MYO6: variants seen among roughly 807,000 people sequenced by gnomAD.
The protein encoded by MYO6 is myosin VI, also known as unconventional myosin-VI.
A neutral mutation model predicts 178.7 loss-of-function variants in MYO6; 74 were observed. The observed-to-expected ratio is 0.41, with a 90% CI of 0.34 to 0.50. The LOEUF (loss-of-function observed/expected upper bound fraction) is 0.50, where lower values mean the gene tolerates loss of function less well. Among genes scored for constraint, MYO6 ranks in the 20% least tolerant of loss-of-function variants. MYO6 has a pLI of 0.09. For missense variants in MYO6, 1,330 were observed against 1,547.4 expected, an observed-to-expected ratio of 0.86 and a Z score of 2.36; for synonymous variants, 477 against 504.6, an observed-to-expected ratio of 0.95 and a Z score of 0.73.
Position 75,892,477 on chromosome 6 carries a change from A to T in MYO6, c.2947-53A>T, listed in dbSNP as rs2149373644. The T allele has an allele frequency of 1.3e-5, 21 of 1,611,708 alleles. No individual in the cohort carries two copies. In the South Asian group the frequency reaches 2.3e-4, roughly 18 times the overall value. Reference sequence around the variant, plus strand: ...TTTATTTTAAGTAATAAGGGGAGTGATCAAGTAAACAAGTGAAGAACTCTT... The same window carrying T: ...TTTATTTTAAGTAATAAGGGGAGTGTTCAAGTAAACAAGTGAAGAACTCTT... On this transcript the variant is annotated intron_variant, in intron 27 of 34. Coordinates refer to ENST00000369977, the MANE Select transcript of MYO6 (RefSeq NM_004999.4).
intron 2 of MYO6, among the ~76,000 whole-genome samples, chr6:75,820,183 G>C (rs1195694499): frequency 6.6e-6 from 1 of 152,164 alleles, no homozygotes; most frequent in Admixed American, 6.6e-5. Context: ...TCTTTTCCCT[G>C]TCTGCTTTGC....
intron 23 of MYO6, among the ~76,000 whole-genome samples, chr6:75,885,355 A>G (rs1778345941): frequency 6.6e-6 from 1 of 152,150 alleles, no homozygotes; most frequent in African/African-American, 2.4e-5. Flanking sequence ...CCGACATGGC[A>G]AAACCCTGGC....
chr6:75,754,936 A>G (rs1201176571), intron 1 of MYO6, among the ~76,000 whole-genome samples: 1 of 152,234 alleles, frequency 6.6e-6, no homozygotes, highest in Non-Finnish European at 1.5e-5. Context: ...GACTCAAAAA[A>G]TTAAAAATAC....
intron 1 of MYO6, among the ~76,000 whole-genome samples, chr6:75,800,253 A>G (rs555663237): frequency 1.4e-4 from 22 of 152,314 alleles, no homozygotes; most frequent in Middle Eastern, 3.4e-3. Flanking sequence ...GAACAAAGGT[A>G]AGTGAGTCAA....
chr6:75,839,528 A>G lies in MYO6; in HGVS notation c.554-1057A>G, dbSNP rs577089108. On this transcript the variant is annotated intron_variant, in intron 7 of 34. Transcript: ENST00000369977. ...ATAGGAAGAACATGCTTCATAAAAAAAATTTTAACACTGAACATCATGAAG... is the reference window on the plus strand; with the variant it reads ...ATAGGAAGAACATGCTTCATAAAAAGAATTTTAACACTGAACATCATGAAG... 2.6e-5 allele frequency among the ~76,000 whole-genome samples: 4 copies of G among 152,294 alleles called. No homozygotes were observed. In the East Asian group the frequency reaches 7.7e-4, roughly 29 times the overall value.
intron 11 of MYO6, among the ~76,000 whole-genome samples, chr6:75,854,645 G>A (rs1358126904): frequency 6.6e-6 from 1 of 151,860 alleles, no homozygotes; most frequent in Non-Finnish European, 1.5e-5. Flanking sequence ...CACTCCCTTC[G>A]ACCCCAAGCA....
At chr6:75,869,887 G>A (rs945338852) in intron 18 of MYO6, among the ~76,000 whole-genome samples, 4 of 152,128 alleles carry the variant, frequency 2.6e-5, no homozygotes, top group African/African-American at 9.7e-5. Flanking sequence ...GCTGAGGCGT[G>A]TGGATCACGA....
chr6:75,905,171 G>C (rs1008565675), intron 30 of MYO6, among the ~76,000 whole-genome samples: 3 of 151,600 alleles, frequency 2.0e-5, no homozygotes, highest in Non-Finnish European at 4.4e-5. Flanking sequence ...GGTTACTGCT[G>C]TCTTTTTGTT....
chr6:75,797,904 C>T (rs1282479375), intron 1 of MYO6, among the ~76,000 whole-genome samples: 2 of 152,164 alleles, frequency 1.3e-5, no homozygotes, highest in Admixed American at 6.6e-5. Context: ...TACATTCCAA[C>T]CAACAGTATA....
At chr6:75,789,343 G>C (rs1196438422) in intron 1 of MYO6, among the ~76,000 whole-genome samples, 1 of 152,048 alleles carries the variant, frequency 6.6e-6, no homozygotes, top group Non-Finnish European at 1.5e-5. Flanking sequence ...GGAGATACAT[G>C]GTCTTTCATT....
intron 19 of MYO6, among the ~76,000 whole-genome samples, chr6:75,872,173 G>A (rs577655060): frequency 6.6e-6 from 1 of 152,086 alleles, no homozygotes; most frequent in Admixed American, 6.6e-5. Context: ...ATAAATAAAA[G>A]TGTTTGTAGG....
intron 1 of MYO6, among the ~76,000 whole-genome samples, chr6:75,810,640 T>C (rs947589977): frequency 1.3e-5 from 2 of 152,298 alleles, no homozygotes; most frequent in Middle Eastern, 6.8e-3. Context: ...TAGGATTTTA[T>C]TTTTGGTTTA....
At chr6:75,832,787 T>A in intron 5 of MYO6, 55 bp from the exon 6 acceptor site, 1 of 1,081,272 alleles carries the variant, frequency 9.2e-7, no homozygotes, top group South Asian at 1.3e-5. Flanking sequence ...AACTTTCTAT[T>A]ATTAACTTTA....
intron 1 of MYO6, among the ~76,000 whole-genome samples, chr6:75,791,819 A>G (rs574131858): frequency 6.6e-6 from 1 of 152,354 alleles, no homozygotes; most frequent in East Asian, 1.9e-4. Flanking sequence ...AATCCTAGCT[A>G]TTTTAAACTG....
chr6:75,814,070 G>A (rs1268921947), intron 1 of MYO6, among the ~76,000 whole-genome samples: 2 of 152,136 alleles, frequency 1.3e-5, no homozygotes, highest in East Asian at 3.9e-4. Context: ...CATAGCACCA[G>A]GACTTGCCCA....
chr6:75,751,498 A>C (rs980013834), intron 1 of MYO6, among the ~76,000 whole-genome samples: 1 of 152,236 alleles, frequency 6.6e-6, no homozygotes, highest in African/African-American at 2.4e-5. Flanking sequence ...AACAATTACA[A>C]TATTTAATGT....
At chr6:75,769,120 T>C (rs549072535) in intron 1 of MYO6, among the ~76,000 whole-genome samples, 64 of 152,328 alleles carry the variant, frequency 4.2e-4, no homozygotes, top group African/African-American at 1.5e-3. Flanking sequence ...TCTGCCTGCA[T>C]GCCTGAAACA....
intron 19 of MYO6, among the ~76,000 whole-genome samples, chr6:75,871,845 C>T (rs1046235635): frequency 6.6e-6 from 1 of 152,008 alleles, no homozygotes; most frequent in African/African-American, 2.4e-5. Flanking sequence ...TGTCTGTGGG[C>T]CGGGTGCCAT....
chr6:75,914,107 A>G lies in MYO6; in HGVS notation c.3484A>G (p.Ile1162Val). The G allele has an allele frequency of 6.2e-7, 1 of 1,614,124 alleles. No individual in the cohort carries two copies. Among genetic ancestry groups the G allele is most frequent in the Non-Finnish European group, 8.5e-7 (1 of 1,180,024 alleles). The change falls in exon 34 of 35, where the codon ATT becomes GTT. Residue 1162 changes from isoleucine (I) to valine (V), a missense_variant. Ile to Val is a conservative substitution (Grantham distance 29). This residue lies in a region of MYO6 where 601 missense variants were observed against 626.1 expected (regional missense o/e 0.96). Coordinates refer to ENST00000369977, the MANE Select transcript of MYO6 (RefSeq NM_004999.4). ...AAQIPARQRE[I>V]EMNRQQRFFR... The stretch of plus-strand genomic sequence containing the variant: ...TCAGATTCCTGCCAGGCAGCGGGAG[A>G]TTGAAATGAACCGACAGCAACGCTT...
Sources: gnomAD v4.1 joint callset for allele counts (sites outside exome capture counted in the v4.1 genomes callset) on GRCh38, gnomAD v4.1.1 for gene constraint, gnomAD v4.1.1 regional missense constraint, MANE v1.5 for transcripts, NCBI Gene and HGNC (gene_info 2026-07-23, HGNC 2026-07-21) for gene names.